Variants in DMXL1 observed in about 807,000 individuals in gnomAD.
DMXL1 encodes Dmx like 1, also known as dmX-like protein 1.
A neutral mutation model predicts 319.2 loss-of-function variants in DMXL1; 99 were observed. The observed-to-expected ratio is 0.31, with a 90% CI of 0.26 to 0.37. DMXL1 has a LOEUF of 0.37. Ranked by LOEUF, DMXL1 falls within the 10% of genes least tolerant of loss-of-function variation. The pLI is 1.00. For missense variants in DMXL1, 3,745 were observed against 3,595.6 expected, an observed-to-expected ratio of 1.04 and a Z score of -1.06; for synonymous variants, 1,385 against 1,235.2, an observed-to-expected ratio of 1.12 and a Z score of -2.54.
At chr5:119,122,211 CCGGGCAGAGGCGCCCCTCACCTCCCGGA>C (rs1212178988) in intron 9 of DMXL1, among the ~76,000 whole-genome samples, 1 of 135,932 alleles carries the variant, frequency 7.4e-6, no homozygotes, top group Non-Finnish European at 1.6e-5. Context: ...GTAGGGGCGG[CCGGGCAGAGGCGCCCCTCACCTCCCGGA>C]CGGGGCGGCT....
intron 9 of DMXL1, among the ~76,000 whole-genome samples, chr5:119,122,289 C>T (rs563447032): frequency 5.7e-4 from 82 of 144,584 alleles, no homozygotes; most frequent in African/African-American, 1.8e-3. Flanking sequence ...CCCTCCCGGA[C>T]GGGGCGGCTG....
Position 119,193,937 on chromosome 5 carries a change from A to G in DMXL1, c.7424A>G (p.His2475Arg). The G allele has an allele frequency of 6.2e-7, 1 of 1,610,418 alleles. No individual in the cohort carries two copies. The highest frequency in any genetic ancestry group is 1.3e-5 in the African/African-American group (1 of 74,944). The change falls in exon 30 of 44, where the codon CAT becomes CGT. Residue 2475 changes from histidine to arginine, a missense_variant. Transcript: ENST00000539542. ...GATGATGTTTTAGCATCAGATTTCCATCTCCAGGAACATTCTAATTCAAAT... is the reference window on the plus strand; with the variant it reads ...GATGATGTTTTAGCATCAGATTTCCGTCTCCAGGAACATTCTAATTCAAAT... ...DDDDVLASDF[H>R]LQEHSNSNSY...
At chr5:119,096,570 TG>T (rs1178168722) in intron 1 of DMXL1, among the ~76,000 whole-genome samples, 1 of 152,174 alleles carries the variant, frequency 6.6e-6, no homozygotes, top group African/African-American at 2.4e-5. Flanking sequence ...GAAAACAGTT[TG>T]TGTTAGATGT....
intron 4 of DMXL1, among the ~76,000 whole-genome samples, chr5:119,107,912 T>G (rs1758712909): frequency 6.6e-6 from 1 of 152,206 alleles, no homozygotes; most frequent in Admixed American, 6.5e-5. Flanking sequence ...TTACAACAAC[T>G]GTATTTAAAC....
intron 34 of DMXL1, among the ~76,000 whole-genome samples, chr5:119,210,756 C>CTTTTTTTTTTTTTTTTTTTT (rs1205202596): frequency 1.5e-5 from 1 of 65,964 alleles, no homozygotes; most frequent in Non-Finnish European, 3.1e-5. Context: ...TTTTTTCTTT[C>CTTTTTTTTTTTTTTTTTTTT]GTTTTTTTTT....
At chr5:119,116,407 ACTTT>A in intron 7 of DMXL1, 71 bp downstream of exon 7, 1 of 1,500,560 alleles carries the variant, frequency 6.7e-7, no homozygotes, top group Non-Finnish European at 9.1e-7. Context: ...TGCTTCTCTC[ACTTT>A]TGAGAGTCCA....
chr5:119,243,338 G>T (rs1011599210), intron 42 of DMXL1, among the ~76,000 whole-genome samples: 1 of 152,112 alleles, frequency 6.6e-6, no homozygotes, highest in Admixed American at 6.5e-5. Flanking sequence ...ACCCTATTAG[G>T]TAGGTGATAA....
chr5:119,114,840 T>C (rs1183874179), intron 6 of DMXL1, among the ~76,000 whole-genome samples: 1 of 152,138 alleles, frequency 6.6e-6, no homozygotes, highest in African/African-American at 2.4e-5. Flanking sequence ...GTCTAATTTT[T>C]GTATTTTTTA....
rs1021724651 is a variant in DMXL1 at position 119,207,040 on chromosome 5, A to G, written c.7926+144A>G. ...AAATTATTCTCCTTTTATTTTAACAACTTAAATACTGCAGTTGTAAAAGTG... is the reference window on the plus strand; with the variant it reads ...AAATTATTCTCCTTTTATTTTAACAGCTTAAATACTGCAGTTGTAAAAGTG... On this transcript the variant is annotated intron_variant, in intron 34 of 43. Transcript: ENST00000539542. The G allele has an allele frequency of 9.1e-5, 50 of 549,126 alleles. No homozygotes were observed. In the East Asian group the frequency reaches 1.5e-3, roughly 16 times the overall value. 34.0% of individuals were successfully genotyped at this position (549,126 alleles called of 1,614,324 possible). A position where few individuals can be genotyped will look rare whatever the true frequency, so the allele number is the denominator to read the frequency against.
chr5:119,220,876 C>A, intron 36 of DMXL1, 64 bp from the exon 37 acceptor site: 2 of 1,560,862 alleles, frequency 1.3e-6, no homozygotes, highest in South Asian at 2.4e-5. Flanking sequence ...AATTTTAGAC[C>A]TTTCAAGTGT....
rs930912385 is a variant in DMXL1 at position 119,071,352 on chromosome 5, C to T, written c.-218C>T. The T allele has an allele frequency of 7.0e-5, 38 of 543,874 alleles. No homozygotes were observed. In the East Asian group the frequency reaches 1.2e-3, roughly 18 times the overall value. 33.7% of individuals were successfully genotyped at this position (543,874 alleles called of 1,614,324 possible). A position where few individuals can be genotyped will look rare whatever the true frequency, so the allele number is the denominator to read the frequency against. Reference sequence around the variant, plus strand: ...AGGTGCGCGAAGGAGCGCGGCGCTCCGCCCTCTCGCCGACCCGCCCCCTCC... The same window carrying T: ...AGGTGCGCGAAGGAGCGCGGCGCTCTGCCCTCTCGCCGACCCGCCCCCTCC... On this transcript the variant is annotated 5_prime_UTR_variant, in exon 1 of 44. Transcript: ENST00000539542.
intron 34 of DMXL1, among the ~76,000 whole-genome samples, chr5:119,213,903 C>G (rs1783224271): frequency 6.6e-6 from 1 of 152,140 alleles, no homozygotes; most frequent in African/African-American, 2.4e-5. Context: ...TGTTTCCTCA[C>G]TTAGTTTCCA....
At chr5:119,208,894 A>T (rs776503283) in intron 34 of DMXL1, among the ~76,000 whole-genome samples, 6 of 152,098 alleles carry the variant, frequency 3.9e-5, no homozygotes, top group Non-Finnish European at 8.8e-5. Context: ...GCAGCTACCA[A>T]ACTTTTTCCT....
chr5:119,224,400 C>G (rs1186722098), intron 37 of DMXL1, among the ~76,000 whole-genome samples: 1 of 151,922 alleles, frequency 6.6e-6, no homozygotes. Context: ...TAAACTTACA[C>G]TATTCAGGAT....
intron 35 of DMXL1, among the ~76,000 whole-genome samples, chr5:119,219,929 T>C (rs1277561810): frequency 6.6e-6 from 1 of 152,136 alleles, no homozygotes; most frequent in East Asian, 1.9e-4. Flanking sequence ...TTAGCAACTT[T>C]TCATTTGTGA....
chr5:119,198,307 TAGG>T (rs1218661570), intron 32 of DMXL1, among the ~76,000 whole-genome samples: 1 of 152,160 alleles, frequency 6.6e-6, no homozygotes, highest in Non-Finnish European at 1.5e-5. Flanking sequence ...GTTTTTAAGA[TAGG>T]AGTTTTACTT....
chr5:119,107,065 G>C (rs6897755), intron 4 of DMXL1, among the ~76,000 whole-genome samples: 1 of 152,284 alleles, frequency 6.6e-6, no homozygotes, highest in East Asian at 1.9e-4. Context: ...GGCTGGGCAC[G>C]GTGGTTCAAA....
Position 119,144,540 on chromosome 5 carries a change from G to A in DMXL1, c.2471G>A (p.Gly824Asp). 6.3e-7 allele frequency: 1 copy of A among 1,597,322 alleles called. No individual in the cohort carries two copies. The highest frequency in any genetic ancestry group is 1.8e-5 in the Admixed American group (1 of 55,990). ...IALDPITKLHGRKTQLLHVFE... is the reference protein window; with the variant it reads ...IALDPITKLHDRKTQLLHVFE... Reference sequence around the variant, plus strand: ...TTGATATTTATTTATATTCAGCATGGCAGAAAAACCCAACTGCTTCATGTT... The same window carrying A: ...TTGATATTTATTTATATTCAGCATGACAGAAAAACCCAACTGCTTCATGTT... Residue 824 changes from glycine to aspartate, a missense_variant, in exon 15 of 44, where the codon GGC becomes GAC. Coordinates refer to ENST00000539542, the MANE Select transcript of DMXL1 (RefSeq NM_001290321.3).
rs1233773457 is a variant in DMXL1 at position 119,071,282 on chromosome 5, G to C, written c.-288G>C. 3 of 421,980 alleles carry C rather than the reference G, an allele frequency of 7.1e-6. No homozygotes were observed. In the Admixed American group the frequency reaches 1.3e-4, roughly 19 times the overall value. 26.1% of individuals were successfully genotyped at this position (421,980 alleles called of 1,614,324 possible). On this transcript the variant is annotated 5_prime_UTR_variant, in exon 1 of 44. Transcript: ENST00000539542. ...GGTGAGTCGGCCCCGGGTCGTGGCC[G>C]GTGAGGGGACCCTGAGCTTCACCTG...
Sources: gnomAD v4.1 joint callset for allele counts (sites outside exome capture counted in the v4.1 genomes callset) on GRCh38, gnomAD v4.1.1 for gene constraint, MANE v1.5 for transcripts, NCBI Gene and HGNC (gene_info 2026-07-23, HGNC 2026-07-21) for gene names.